Variants in SUPT5H observed in about 807,000 individuals in gnomAD.
The protein encoded by SUPT5H is SPT5 homolog, DSIF elongation factor subunit.
In SUPT5H, 24 loss-of-function variants were observed where a neutral mutation model predicts 142.5. The ratio of observed to expected loss-of-function variants is 0.17; its 90% CI spans 0.12 to 0.24. The LOEUF is 0.24. SUPT5H is among the 10% of genes least tolerant of loss of function. The pLI is 1.00. For missense variants in SUPT5H, 893 were observed against 1,471.8 expected (o/e 0.61, Z 6.43); for synonymous variants, 546 against 553.0 (o/e 0.99, Z 0.18).
intron 2 of SUPT5H, among the ~76,000 whole-genome samples, chr19:39,448,603 GC>G (rs1290207259): frequency 1.3e-5 from 2 of 152,044 alleles, no homozygotes; most frequent in East Asian, 3.9e-4. Flanking sequence ...ACCAGGTGAG[GC>G]AAGAGGGCAC....
intron 2 of SUPT5H, 76 bp from the exon 3 acceptor site, chr19:39,453,280 T>G: frequency 6.7e-7 from 1 of 1,502,446 alleles, no homozygotes; most frequent in Non-Finnish European, 8.9e-7. Context: ...GAGGTCAGAT[T>G]TAGGGTGAGG....
intron 3 of SUPT5H, among the ~76,000 whole-genome samples, chr19:39,454,871 A>G (rs2079067839): frequency 6.6e-6 from 1 of 152,136 alleles, no homozygotes; most frequent in South Asian, 2.1e-4. Context: ...GTTCTTGGAG[A>G]GCAAGAGAAT....
rs898279006 is a variant in SUPT5H, at chr19:39,472,922, C to T, written c.2148C>T (p.Pro716=). 4 of 1,613,000 alleles carry T rather than the reference C, an allele frequency of 2.5e-6. No individual in the cohort carries two copies. In the African/African-American group the frequency reaches 5.3e-5, roughly 22 times the overall value. Reference sequence around the variant, plus strand: ...AGACCGTGCGCATCTCCCAGGGGCCCTACAAAGGTGACCTGCGAGGCCTGT... The same window carrying T: ...AGACCGTGCGCATCTCCCAGGGGCCTTACAAAGGTGACCTGCGAGGCCTGT... The part of the protein sequence containing the change: ...IGQTVRISQG[P]YKGYIGVVKD... Residue 716 remains proline, a synonymous_variant, in exon 22 of 30, where the codon CCC becomes CCT. Transcript: ENST00000432763. This position sits in a 1 kb window ranked among gnomAD's most constrained non-coding sequence, Gnocchi z 4.2.
intron 3 of SUPT5H, among the ~76,000 whole-genome samples, chr19:39,456,604 A>G (rs1420034372): frequency 6.6e-6 from 1 of 151,708 alleles, no homozygotes; most frequent in East Asian, 1.9e-4. Context: ...TTTTTAGTAG[A>G]GACGGGGGTT....
Position 39,470,379 on chromosome 19 carries a change from G to A in SUPT5H, c.1533G>A (p.Leu511=). 1 of 1,564,436 alleles carries A rather than the reference G, an allele frequency of 6.4e-7. No homozygotes were observed. Among genetic ancestry groups the A allele is most frequent in the African/African-American group, 1.4e-5 (1 of 73,622 alleles). The change falls in exon 18 of 30, where the codon CTG becomes CTA. Residue 511 remains leucine (L), a splice_region_variant and synonymous_variant. Coordinates refer to ENST00000432763, the MANE Select transcript of SUPT5H (RefSeq NM_001111020.3). This position sits in a 1 kb window ranked among gnomAD's most constrained non-coding sequence, Gnocchi z 5.8. ...ACCCCTTTCACCATCCCTGGCAGCT[G>A]AAGGTGCTCCCCCGGGACCTGCAGC... is the stretch of plus-strand genomic sequence containing the variant. ...ILFSDLTMHE[L]KVLPRDLQLC...
In SUPT5H at chr19:39,473,937, C is replaced by T; in HGVS notation, c.2493-26C>T. The stretch of plus-strand genomic sequence containing the variant: ...ATCCATCGCATTATCACCACAGTCG[C>T]TGTCAACAGACTTTTCTCCCAACAG... On this transcript the variant is annotated intron_variant, in intron 25 of 29. Transcript: ENST00000432763. The surrounding 1 kb of genome is among the most constrained non-coding windows in gnomAD (Gnocchi z 5.8). 6.2e-7 allele frequency: 1 copy of T among 1,613,684 alleles called. No homozygotes were observed. Among genetic ancestry groups the T allele is most frequent in the Non-Finnish European group, 8.5e-7 (1 of 1,179,954 alleles).
Position 39,476,190 on chromosome 19 carries a change from GC to G in SUPT5H, c.3120+15del. The G allele has an allele frequency of 6.2e-7, 1 of 1,614,086 alleles. No individual in the cohort carries two copies. Among genetic ancestry groups the G allele is most frequent in the South Asian group, 1.1e-5 (1 of 91,062 alleles). On this transcript the variant is annotated intron_variant, in intron 29 of 29. Transcript: ENST00000432763. ...AAGAACAACAAGGTAAGGGCAGGGG[GC>G]AAGGAGATAAGATGGGGCCGTTGGG...
intron 3 of SUPT5H, among the ~76,000 whole-genome samples, chr19:39,456,942 T>G (rs4803240): frequency 6.6e-6 from 1 of 152,034 alleles, no homozygotes; most frequent in Non-Finnish European, 1.5e-5. Flanking sequence ...TTACTGAGAT[T>G]CTAGGGGTTA....
rs148403144 is a variant in SUPT5H at position 39,460,237 on chromosome 19, G to A, written c.624+277G>A. On this transcript the variant is annotated intron_variant, in intron 10 of 29. Coordinates refer to ENST00000432763, the MANE Select transcript of SUPT5H (RefSeq NM_001111020.3). ...AGCTTCCTGCACCTTTTCTTCATGA[G>A]AGTGGGTTTGCCTGTTCACCAGCCC... 7.9e-4 allele frequency: 352 copies of A among 443,186 alleles called. 1 individual carries two copies. The highest frequency in any genetic ancestry group is 5.8e-3 in the African/African-American group (294 of 50,268). 27.5% of individuals were successfully genotyped at this position (443,186 alleles called of 1,614,324 possible). A position where few individuals can be genotyped will look rare whatever the true frequency, so the allele number is the denominator to read the frequency against.
intron 4 of SUPT5H, 199 bp downstream of exon 4, chr19:39,457,939 G>A (rs751242952): frequency 3.0e-6 from 3 of 1,008,006 alleles, no homozygotes; most frequent in African/African-American, 3.2e-5. Context: ...GGGGCCCTGG[G>A]GTGGGGATGT....
At chr19:39,454,359 T>G (rs1006155736) in intron 3 of SUPT5H, among the ~76,000 whole-genome samples, 1 of 100,382 alleles carries the variant, frequency 1.0e-5, no homozygotes, top group Non-Finnish European at 2.1e-5. Flanking sequence ...TGTCGTTGTT[T>G]TTTTTTTTTT....
intron 11 of SUPT5H, among the ~76,000 whole-genome samples, chr19:39,465,895 C>T (rs2079228657): frequency 6.6e-6 from 1 of 152,182 alleles, no homozygotes; most frequent in Non-Finnish European, 1.5e-5. Context: ...TTTCAGATTT[C>T]AGATTTTTTC....
At chr19:39,475,742 G>A (rs2079396167) in intron 28 of SUPT5H, 4 of 292,808 alleles carry the variant, frequency 1.4e-5, no homozygotes, top group African/African-American at 2.2e-5. Flanking sequence ...GCTCTGGTGG[G>A]GCCTGCAGAC....
rs777981780 is a variant in SUPT5H, at chr19:39,473,423, C to T, written c.2394C>T (p.Arg798=). The T allele has an allele frequency of 2.5e-6, 4 of 1,613,278 alleles. No homozygotes were observed. Among genetic ancestry groups the T allele is most frequent in the African/African-American group, 2.7e-5 (2 of 74,862 alleles). ...TCATTTCCCCCATTCCAGGTAGCCG[C>T]ACCCCACACTACGGCTCACAGACGC... ...GSQTPLQDGS[R]TPHYGSQTPL... is the part of the protein sequence containing the mutation. The change falls in exon 25 of 30, where the codon CGC becomes CGT. Residue 798 remains arginine, a synonymous_variant. Coordinates refer to ENST00000432763, the MANE Select transcript of SUPT5H (RefSeq NM_001111020.3). The surrounding 1 kb of genome is among the most constrained non-coding windows in gnomAD (Gnocchi z 5.8).
At chr19:39,457,817 C>A (rs1433969126) in intron 4 of SUPT5H, 77 bp downstream of exon 4, 1 of 1,599,418 alleles carries the variant, frequency 6.3e-7, no homozygotes, top group East Asian at 2.2e-5. Context: ...ATTCCCCCGA[C>A]CCCCGCATCC....
At position 39,458,231 on chromosome 19, in the gene SUPT5H, CCCACCACCACCACCA is replaced by C. The variant is rs113169927; in HGVS notation, c.308-33_308-19del. The C allele has an allele frequency of 1.6e-4, 218 of 1,364,684 alleles. No homozygotes were observed. The highest frequency in any genetic ancestry group is 4.6e-4 in the South Asian group (33 of 72,192). 84.5% of individuals were successfully genotyped at this position (1,364,684 alleles called of 1,614,324 possible). On this transcript the variant is annotated intron_variant, in intron 4 of 29. Coordinates refer to ENST00000432763, the MANE Select transcript of SUPT5H (RefSeq NM_001111020.3). This position sits in a 1 kb window ranked among gnomAD's most constrained non-coding sequence, Gnocchi z 4.2. ...TTGGCTCATACTTTGTCTGCCCTCG[CCCACCACCACCACCA>C]CCACCACCACCACCACCACCACCAC...
Position 39,473,716 on chromosome 19 carries a change from A to G in SUPT5H, c.2492+195A>G, listed in dbSNP as rs1279924382. Among the ~76,000 whole-genome samples the G allele has an allele frequency of 6.6e-6, 1 of 152,146 alleles. No homozygotes were observed. Among genetic ancestry groups the G allele is most frequent in the Non-Finnish European group, 1.5e-5 (1 of 68,024 alleles). ...CGGCCTCCTCTCCATCCCCAACCTC[A>G]GTAGTGATTGTGGTTACCCTTGGGC... On this transcript the variant is annotated intron_variant, in intron 25 of 29. Transcript: ENST00000432763. This position sits in a 1 kb window ranked among gnomAD's most constrained non-coding sequence, Gnocchi z 5.8.
At chr19:39,453,268 C>G in intron 2 of SUPT5H, 88 bp from the exon 3 acceptor site, 2 of 1,459,650 alleles carry the variant, frequency 1.4e-6, no homozygotes, top group Non-Finnish European at 1.8e-6. Context: ...CCAGGCCAAT[C>G]TGAGGTCAGA....
In SUPT5H at chr19:39,470,651, T is replaced by C. The variant is rs2079306616; in HGVS notation, c.1677+128T>C. On this transcript the variant is annotated intron_variant, in intron 18 of 29. Transcript: ENST00000432763. The surrounding 1 kb of genome is among the most constrained non-coding windows in gnomAD (Gnocchi z 5.8). Reference sequence around the variant, plus strand: ...TGCAGATCTGGCTCTGTCACTTACATCTGAATGGCTGATAGTGGGCACATG... The same window carrying C: ...TGCAGATCTGGCTCTGTCACTTACACCTGAATGGCTGATAGTGGGCACATG... 9.2e-7 allele frequency: 1 copy of C among 1,082,654 alleles called. No individual in the cohort carries two copies. Among genetic ancestry groups the C allele is most frequent in the South Asian group, 2.0e-5 (1 of 49,740 alleles). 67.1% of individuals were successfully genotyped at this position (1,082,654 alleles called of 1,614,324 possible).
Sources: allele counts gnomAD v4.1 joint callset (sites outside exome capture counted in the v4.1 genomes callset), GRCh38; gene constraint gnomAD v4.1.1; non-coding constraint Gnocchi (gnomAD v3.1); transcripts MANE v1.5; gene names NCBI Gene and HGNC (gene_info 2026-07-23, HGNC 2026-07-21).